The following KCNMB2 variants were observed in gnomAD, a reference collection of about 807,000 sequenced individuals.
KCNMB2 encodes calcium-activated potassium channel subunit beta-2.
KCNMB2 carries 9 observed loss-of-function variants against 24.5 expected under a neutral mutation model. The ratio of observed to expected loss-of-function variants is 0.37; its 90% CI spans 0.22 to 0.64. The LOEUF (loss-of-function observed/expected upper bound fraction) is 0.64. Among genes scored for constraint, KCNMB2 ranks in the 30% least tolerant of loss-of-function variants. KCNMB2 has a pLI of 0.63. For synonymous variants in KCNMB2, 109 were observed against 104.4 expected (o/e 1.04, Z -0.27); for missense variants, 226 against 284.3 (o/e 0.79, Z 1.47).
intron 1 of KCNMB2, among the ~76,000 whole-genome samples, chr3:178,757,939 A>AAC (rs1724213428): frequency 5.0e-5 from 4 of 80,306 alleles, no homozygotes; most frequent in Non-Finnish European, 9.5e-5. Context: ...ATATATACAC[A>AAC]AGGGGATATA....
intron 1 of KCNMB2, among the ~76,000 whole-genome samples, chr3:178,711,475 C>T (rs7427433): frequency 0.26 from 39,029 of 152,048 alleles, 5,141 homozygotes; most frequent in Middle Eastern, 0.35. Flanking sequence ...GTCTCTCCCA[C>T]CAAGACAGAT....
chr3:178,735,467 G>C (rs767241473), intron 1 of KCNMB2, among the ~76,000 whole-genome samples: 14 of 152,204 alleles, frequency 9.2e-5, no homozygotes, highest in Non-Finnish European at 1.8e-4. Flanking sequence ...GCGAGCCAAC[G>C]CACACTCTGA....
At chr3:178,789,710 C>G (rs145476081) in intron 1 of KCNMB2, among the ~76,000 whole-genome samples, 2 of 152,188 alleles carry the variant, frequency 1.3e-5, no homozygotes, top group Non-Finnish European at 1.5e-5. Context: ...AATATTTAGA[C>G]AAGCCCTAGC....
intron 2 of KCNMB2, among the ~76,000 whole-genome samples, chr3:178,818,983 A>G (rs1309118543): frequency 6.6e-6 from 1 of 151,782 alleles, no homozygotes; most frequent in Non-Finnish European, 1.5e-5. Flanking sequence ...CCGTCAAAGG[A>G]CTCTTAATCA....
chr3:178,781,257 AT>A (rs2108431461), intron 1 of KCNMB2, among the ~76,000 whole-genome samples: 1 of 152,272 alleles, frequency 6.6e-6, no homozygotes, highest in South Asian at 2.1e-4. Flanking sequence ...TTAAGAAGAT[AT>A]TTTTGTTTTG....
intron 1 of KCNMB2, among the ~76,000 whole-genome samples, chr3:178,770,650 T>G (rs1038250760): frequency 1.3e-5 from 2 of 152,064 alleles, no homozygotes; most frequent in African/African-American, 4.8e-5. Context: ...ACAGTTAAAA[T>G]CAAAAAAAAT....
chr3:178,671,835 A>G, intron 1 of KCNMB2, among the ~76,000 whole-genome samples: 1 of 152,184 alleles, frequency 6.6e-6, no homozygotes, highest in East Asian at 1.9e-4. Context: ...TCAACATGTA[A>G]TACAATAATG....
chr3:178,825,870 T>C (rs1228455092), intron 3 of KCNMB2, 112 bp downstream of exon 3: 1 of 743,490 alleles, frequency 1.3e-6, no homozygotes, highest in African/African-American at 1.7e-5. Flanking sequence ...ATAAGAACTT[T>C]GAGAAGTTCC....
At chr3:178,709,184 ACT>A (rs761523622) in intron 1 of KCNMB2, among the ~76,000 whole-genome samples, 34 of 152,110 alleles carry the variant, frequency 2.2e-4, no homozygotes, top group Non-Finnish European at 4.0e-4. Context: ...ACTTTTCACT[ACT>A]CTGTTTCATG....
At chr3:178,754,831 A>T (rs1196220818) in intron 1 of KCNMB2, among the ~76,000 whole-genome samples, 2 of 152,096 alleles carry the variant, frequency 1.3e-5, no homozygotes, top group Non-Finnish European at 2.9e-5. Flanking sequence ...GATGGCATAG[A>T]CCCTGCAGCT....
At chr3:178,547,251 T>C (rs1715804504) in intron 1 of KCNMB2, among the ~76,000 whole-genome samples, 1 of 152,178 alleles carries the variant, frequency 6.6e-6, no homozygotes, top group South Asian at 2.1e-4. Flanking sequence ...CTTCCCAGCC[T>C]CCAGGTGTGT....
intron 1 of KCNMB2, among the ~76,000 whole-genome samples, chr3:178,787,182 C>T (rs1577188231): frequency 6.6e-6 from 1 of 152,100 alleles, no homozygotes; most frequent in Admixed American, 6.6e-5. Flanking sequence ...ACTGTGTGAA[C>T]CTTTACACCG....
intron 1 of KCNMB2, among the ~76,000 whole-genome samples, chr3:178,694,719 T>G (rs968709730): frequency 6.6e-6 from 1 of 152,234 alleles, no homozygotes; most frequent in African/African-American, 2.4e-5. Context: ...ATCCATGTAA[T>G]GCTGATTCAA....
chr3:178,551,197 T>C (rs759979894), intron 1 of KCNMB2, among the ~76,000 whole-genome samples: 9 of 152,170 alleles, frequency 5.9e-5, no homozygotes, highest in Non-Finnish European at 1.2e-4. Context: ...TGCTTTTTCT[T>C]CCCAGAGGCT....
chr3:178,672,567 T>C lies in KCNMB2; in HGVS notation c.-67-134776T>C, dbSNP rs1720939145. Among the ~76,000 whole-genome samples the C allele has an allele frequency of 2.0e-5, 3 of 152,172 alleles. No homozygotes were observed. In the South Asian group the frequency reaches 6.2e-4, roughly 32 times the overall value. ...TGTGTAACTGATAGCCTAGAGGAGA[T>C]AAAGTTTGCTTATGGAAATGCAGCG... is the stretch of plus-strand genomic sequence containing the variant. On this transcript the variant is annotated intron_variant, in intron 1 of 4. Transcript: ENST00000452583.
chr3:178,654,475 CA>C (rs1274279843), intron 1 of KCNMB2, among the ~76,000 whole-genome samples: 1 of 152,002 alleles, frequency 6.6e-6, no homozygotes, highest in Non-Finnish European at 1.5e-5. Flanking sequence ...ATAAATAGAG[CA>C]AACCCAAAGA....
chr3:178,591,284 C>T (rs1229370297), intron 1 of KCNMB2, among the ~76,000 whole-genome samples: 2 of 152,136 alleles, frequency 1.3e-5, no homozygotes. Flanking sequence ...CGTGAGTCTG[C>T]CAAAAGAAAG....
chr3:178,722,948 T>A (rs1040491039), intron 1 of KCNMB2, among the ~76,000 whole-genome samples: 1 of 152,100 alleles, frequency 6.6e-6, no homozygotes, highest in Non-Finnish European at 1.5e-5. Context: ...TACATGAACT[T>A]TAGGGGACAC....
Position 178,842,867 on chromosome 3 carries a change from T to C in KCNMB2, c.638T>C (p.Ile213Thr), listed in dbSNP as rs373811095. ...PTCMMAGGVA[I>T]VAMVKLTQYL... ...TGTATGATGGCTGGGGGTGTGGCAATTGTTGCCATGGTGAAACTTACACAG... is the reference window on the plus strand; with the variant it reads ...TGTATGATGGCTGGGGGTGTGGCAACTGTTGCCATGGTGAAACTTACACAG... Residue 213 changes from isoleucine (I) to threonine (T), a missense_variant, in exon 5 of 5, where the codon ATT (isoleucine) becomes ACT (threonine). Physicochemically the swap from Ile to Thr is moderately conservative, Grantham distance 89. Coordinates refer to ENST00000452583, the MANE Select transcript of KCNMB2 (RefSeq NM_181361.3). 2 of 1,613,812 alleles carry C rather than the reference T, an allele frequency of 1.2e-6. No individual in the cohort carries two copies. Among genetic ancestry groups the C allele is most frequent in the African/African-American group, 1.3e-5 (1 of 74,918 alleles).
Sources: gnomAD v4.1 joint callset for allele counts (sites outside exome capture counted in the v4.1 genomes callset) on GRCh38, gnomAD v4.1.1 for gene constraint, MANE v1.5 for transcripts, NCBI Gene and HGNC (gene_info 2026-07-23, HGNC 2026-07-21) for gene names.